Variants in FMN2 observed in about 807,000 individuals in gnomAD.
FMN2 encodes the protein formin 2, also known as formin-2.
In FMN2, 51 loss-of-function variants were observed where a neutral mutation model predicts 142.3. The observed-to-expected ratio is 0.36, with a 90% confidence interval of 0.29 to 0.45. FMN2 has a LOEUF of 0.45. Ranked by LOEUF, FMN2 falls within the 20% of genes least tolerant of loss-of-function variation. FMN2 has a pLI of 1.00. For synonymous variants in FMN2, 882 were observed against 869.8 expected (o/e 1.01, Z -0.25); for missense variants, 1,936 against 2,122.8 (o/e 0.91, Z 1.73).
At position 240,208,567 on chromosome 1, in the gene FMN2, G is replaced by A. The variant is rs1444245987; in HGVS notation, c.3755G>A (p.Ser1252Asn). ...GPPLLPQVGS[S>N]TLPTPQVCGF... ...CCACTCCTCCCACAAGTTGGGAGTAGCACTTTACCAACCCCACAGGTGTGT... is the reference window on the plus strand; with the variant it reads ...CCACTCCTCCCACAAGTTGGGAGTAACACTTTACCAACCCCACAGGTGTGT... The change falls in exon 5 of 18, where the codon AGC becomes AAC. Residue 1252 changes from serine to asparagine, a missense_variant. This residue lies in a region of FMN2 where 259 missense variants were observed against 230.9 expected (regional missense o/e 1.12). Transcript: ENST00000319653. 1 of 1,613,608 alleles carries A rather than the reference G, an allele frequency of 6.2e-7. No homozygotes were observed. Among genetic ancestry groups the A allele is most frequent in the Non-Finnish European group, 8.5e-7 (1 of 1,179,970 alleles).
At chr1:240,400,829 A>C (rs964790574) in intron 15 of FMN2, 1 of 152,182 alleles carries the variant, frequency 6.6e-6, no homozygotes. Flanking sequence ...ATTGAAACAA[A>C]ATACATACAC....
Position 240,355,821 on chromosome 1 carries a change from G to T in FMN2, c.4771G>T (p.Glu1591Ter). ...AATGTTCTGTCTAATTTCAGCCTGT[G>T]AAGTTGAAGCAGGGAAAGTATACCA... ...RKLKKDLKAC[E>*]VEAGKVYQVS... The change falls in exon 14 of 18, where the codon GAA becomes TAA. Residue 1591 changes from glutamate to a stop codon, truncating the protein, a stop_gained. Transcript: ENST00000319653. LOFTEE classifies it high-confidence loss of function. The T allele has an allele frequency of 6.2e-7, 1 of 1,610,244 alleles. No homozygotes were observed. The highest frequency in any genetic ancestry group is 8.5e-7 in the Non-Finnish European group (1 of 1,177,244).
chr1:240,134,802 C>T (rs117582153), intron 2 of FMN2, among the ~76,000 whole-genome samples: 3,487 of 152,186 alleles, frequency 0.023, 64 homozygotes, highest in Admixed American at 0.046. Context: ...CTTTCTCAAT[C>T]CATTTTACTT....
intron 1 of FMN2, among the ~76,000 whole-genome samples, chr1:240,104,835 G>T (rs1401333080): frequency 6.6e-6 from 1 of 152,054 alleles, no homozygotes; most frequent in Non-Finnish European, 1.5e-5. Flanking sequence ...TGTGAGTAAT[G>T]TTCCCCTAGA....
chr1:240,361,900 C>T (rs963297996), intron 14 of FMN2, among the ~76,000 whole-genome samples: 2 of 152,118 alleles, frequency 1.3e-5, no homozygotes, highest in African/African-American at 4.8e-5. Flanking sequence ...TGTTAGTAGT[C>T]AGGTAGATAG....
chr1:240,159,553 G>C (rs1664173912), intron 2 of FMN2, among the ~76,000 whole-genome samples: 1 of 152,046 alleles, frequency 6.6e-6, no homozygotes, highest in Admixed American at 6.6e-5. Context: ...GAAGTGGAAG[G>C]CTAGTGAAAT....
intron 16 of FMN2, among the ~76,000 whole-genome samples, chr1:240,451,217 T>G (rs1427808496): frequency 6.6e-6 from 1 of 151,336 alleles, no homozygotes; most frequent in South Asian, 2.1e-4. Flanking sequence ...AATACAAAAA[T>G]TAGCTGGGCG....
In FMN2 at chr1:240,474,562, A is replaced by G. The variant is rs1197317906; in HGVS notation, c.*408A>G. The stretch of plus-strand genomic sequence containing the variant: ...CCTCCACATCACAGCATTTAGACAT[A>G]TGGGTAAAATGTTATTTCTAGTGAA... On this transcript the variant is annotated 3_prime_UTR_variant, in exon 18 of 18. Transcript: ENST00000319653. 1 of 158,976 alleles carries G rather than the reference A, an allele frequency of 6.3e-6. No individual in the cohort carries two copies. Among genetic ancestry groups the G allele is most frequent in the Non-Finnish European group, 1.4e-5 (1 of 72,520 alleles). The allele number at this position is 158,976 out of a possible 1,614,324, so 9.8% of individuals were successfully genotyped here.
At chr1:240,421,623 G>A (rs1054300458) in intron 15 of FMN2, among the ~76,000 whole-genome samples, 1 of 152,048 alleles carries the variant, frequency 6.6e-6, no homozygotes, top group Non-Finnish European at 1.5e-5. Flanking sequence ...TTTGTGGGGG[G>A]TGTGGGTTTG....
intron 2 of FMN2, chr1:240,143,125 TG>T (rs1663265979): frequency 1.3e-6 from 2 of 1,561,020 alleles, no homozygotes; most frequent in African/African-American, 1.4e-5. Flanking sequence ...AAGAGGTCGT[TG>T]GGGTCCTTGG....
chr1:240,157,927 A>G (rs1664093103), intron 2 of FMN2, among the ~76,000 whole-genome samples: 1 of 148,882 alleles, frequency 6.7e-6, no homozygotes, highest in South Asian at 2.2e-4. Flanking sequence ...ACTTGAGCCT[A>G]GGAGTTTGAA....
intron 8 of FMN2, among the ~76,000 whole-genome samples, chr1:240,302,406 G>GA (rs975535176): frequency 5.9e-5 from 9 of 151,564 alleles, no homozygotes; most frequent in Admixed American, 2.0e-4. Context: ...CAAGTCCAAA[G>GA]AAAAATGAAT....
chr1:240,321,981 A>G (rs181868663), intron 8 of FMN2, among the ~76,000 whole-genome samples: 1 of 152,328 alleles, frequency 6.6e-6, no homozygotes, highest in Non-Finnish European at 1.5e-5. Flanking sequence ...TAAACCCATT[A>G]TAAGTTGAAA....
chr1:240,249,255 C>T (rs778458136), intron 6 of FMN2, among the ~76,000 whole-genome samples: 7 of 152,000 alleles, frequency 4.6e-5, no homozygotes, highest in African/African-American at 7.2e-5. Flanking sequence ...GTTGTTAATC[C>T]GTCTTGCACT....
chr1:240,157,343 T>A (rs1455405513), intron 2 of FMN2, among the ~76,000 whole-genome samples: 1 of 152,234 alleles, frequency 6.6e-6, no homozygotes, highest in Admixed American at 6.5e-5. Context: ...TGTGAGTTCA[T>A]TAAAACCGTG....
intron 16 of FMN2, among the ~76,000 whole-genome samples, chr1:240,450,863 C>T (rs934181239): frequency 1.3e-5 from 2 of 152,116 alleles, no homozygotes; most frequent in East Asian, 1.9e-4. Flanking sequence ...AGAAAGGGCA[C>T]GCAGACCGTT....
rs1672455461 is a variant in FMN2 at position 240,361,137 on chromosome 1, ATGTGTATATATATATAT to A, written c.4858+5230_4858+5246del. 5.9e-4 allele frequency among the ~76,000 whole-genome samples: 72 copies of A among 121,196 alleles called. 1 individual carries two copies. The highest frequency in any genetic ancestry group is 1.4e-3 in the African/African-American group (42 of 30,782). 79.5% of individuals were successfully genotyped at this position (121,196 alleles called of 152,430 possible). On this transcript the variant is annotated intron_variant, in intron 14 of 17. Coordinates refer to ENST00000319653, the MANE Select transcript of FMN2 (RefSeq NM_020066.5). Reference sequence around the variant, plus strand: ...AAGTATAATAATAATAAATAAATATATGTGTATATATATATATATATATATATATATATATATATATA... The same window carrying A: ...AAGTATAATAATAATAAATAAATATAATATATATATATATATATATATATA...
At chr1:240,365,099 CA>C (rs1305959347) in intron 14 of FMN2, among the ~76,000 whole-genome samples, 6 of 152,144 alleles carry the variant, frequency 3.9e-5, no homozygotes, top group Non-Finnish European at 7.4e-5. Context: ...TCTAGCCTTC[CA>C]GAGATAATTT....
chr1:240,437,956 A>T, intron 15 of FMN2, 105 bp from the exon 16 acceptor site: 2 of 1,377,380 alleles, frequency 1.5e-6, no homozygotes, highest in Non-Finnish European at 2.0e-6. Context: ...CCTCTTGGTA[A>T]TAATAATTGT....
Sources: gnomAD v4.1 joint callset for allele counts (sites outside exome capture counted in the v4.1 genomes callset) on GRCh38, gnomAD v4.1.1 for gene constraint, gnomAD v4.1.1 regional missense constraint, MANE v1.5 for transcripts, NCBI Gene and HGNC (gene_info 2026-07-23, HGNC 2026-07-21) for gene names.